The following EPHA6 variants were observed in gnomAD, a reference collection of about 807,000 sequenced individuals.
EPHA6 encodes the protein ephrin type-A receptor 6.
Under a neutral mutation model 112.0 loss-of-function variants are expected in EPHA6, and 50 were observed. The observed-to-expected ratio is 0.45, with a 90% CI of 0.36 to 0.56. EPHA6 has a LOEUF of 0.56. EPHA6 is among the 20% of genes least tolerant of loss of function. The pLI is 0.00. For missense variants in EPHA6, 1,280 were observed against 1,417.4 expected, an observed-to-expected ratio of 0.90 and a Z score of 1.56; for synonymous variants, 529 against 490.7, an observed-to-expected ratio of 1.08 and a Z score of -1.03.
chr3:97,412,923 A>G (rs1260171905), intron 6 of EPHA6, among the ~76,000 whole-genome samples: 1 of 151,976 alleles, frequency 6.6e-6, no homozygotes, highest in African/African-American at 2.4e-5. Context: ...ATCAGAGATC[A>G]CAATGTCCCT....
intron 3 of EPHA6, among the ~76,000 whole-genome samples, chr3:97,184,473 C>A (rs1283068872): frequency 6.6e-6 from 1 of 152,080 alleles, no homozygotes; most frequent in African/African-American, 2.4e-5. Flanking sequence ...AATTGCTTCA[C>A]AGAGAATGAA....
intron 3 of EPHA6, among the ~76,000 whole-genome samples, chr3:97,124,086 T>A (rs2048115809): frequency 6.6e-6 from 1 of 152,112 alleles, no homozygotes; most frequent in Non-Finnish European, 1.5e-5. Context: ...AAAAATTAAT[T>A]GCTACATTTC....
chr3:97,748,496 A>T, intron 17 of EPHA6, 91 bp from the exon 18 acceptor site: 1 of 714,840 alleles, frequency 1.4e-6, no homozygotes, highest in Non-Finnish European at 2.6e-6. Context: ...TGCTTATTAG[A>T]TCTGAATGTT....
At position 96,976,156 on chromosome 3, in the gene EPHA6, G is replaced by T. The variant is rs2042512784; in HGVS notation, c.451-11174G>T. Among the ~76,000 whole-genome samples the T allele has an allele frequency of 2.6e-5, 4 of 152,138 alleles. No homozygotes were observed. In the South Asian group the frequency reaches 8.3e-4, roughly 31 times the overall value. ...ATAAGTTATATGTTTGTTTTAAATA[G>T]GGGTAGGAACTTTAAGTGGGACAGA... On this transcript the variant is annotated intron_variant, in intron 2 of 17. Coordinates refer to ENST00000389672, the MANE Select transcript of EPHA6 (RefSeq NM_001080448.3).
At chr3:97,656,066 A>G (rs961425815) in intron 14 of EPHA6, among the ~76,000 whole-genome samples, 1 of 151,904 alleles carries the variant, frequency 6.6e-6, no homozygotes, top group African/African-American at 2.4e-5. Flanking sequence ...TACAGTGAGT[A>G]TTGTACTTTT....
chr3:97,255,532 C>T (rs2108607607), intron 5 of EPHA6, among the ~76,000 whole-genome samples: 1 of 152,178 alleles, frequency 6.6e-6, no homozygotes, highest in Non-Finnish European at 1.5e-5. Flanking sequence ...CCTTTTTAAA[C>T]ATTTATTTTT....
intron 3 of EPHA6, among the ~76,000 whole-genome samples, chr3:97,211,356 C>T (rs1158860856): frequency 2.0e-5 from 3 of 152,158 alleles, no homozygotes; most frequent in Admixed American, 2.0e-4. Flanking sequence ...CTCACAACCA[C>T]CCCTGAGTTA....
At chr3:97,625,769 G>A (rs1047453194) in intron 13 of EPHA6, among the ~76,000 whole-genome samples, 30 of 151,678 alleles carry the variant, frequency 2.0e-4, no homozygotes, top group African/African-American at 7.0e-4. Context: ...TTTGGACTAT[G>A]TATACACTGA....
chr3:97,382,398 T>C (rs1577175893), intron 5 of EPHA6, among the ~76,000 whole-genome samples: 1 of 152,062 alleles, frequency 6.6e-6, no homozygotes, highest in South Asian at 2.1e-4. Context: ...ATTTTGTTCT[T>C]TGTGTTTGCT....
In EPHA6 at chr3:97,498,528, A is replaced by G. The variant is rs192823172; in HGVS notation, c.2200+14469A>G. ...GAGAGTTAAATTTTATTTTTAAAAC[A>G]GTAAATTTGAAAGTACAATTAGTGT... is the stretch of plus-strand genomic sequence containing the variant. On this transcript the variant is annotated intron_variant, in intron 10 of 17. Transcript: ENST00000389672. Among the ~76,000 whole-genome samples, 789 of 152,186 alleles carry G rather than the reference A, an allele frequency of 5.2e-3. 7 individuals are homozygous for G. Among genetic ancestry groups the G allele is most frequent in the African/African-American group, 0.017 (721 of 41,524 alleles).
chr3:97,558,479 T>C (rs1424057963), intron 11 of EPHA6, among the ~76,000 whole-genome samples: 3 of 152,034 alleles, frequency 2.0e-5, no homozygotes, highest in East Asian at 3.8e-4. Context: ...CCTTCATGGT[T>C]ATTTCCTATC....
chr3:97,546,456 C>A (rs563844729), intron 11 of EPHA6, among the ~76,000 whole-genome samples: 1 of 152,330 alleles, frequency 6.6e-6, no homozygotes, highest in South Asian at 2.1e-4. Context: ...ATGGGCTTCC[C>A]TTTGAGGGTA....
chr3:97,528,160 C>T (rs1437140467), intron 10 of EPHA6, among the ~76,000 whole-genome samples: 2 of 152,052 alleles, frequency 1.3e-5, no homozygotes, highest in African/African-American at 4.8e-5. Flanking sequence ...TGTACTTAGA[C>T]AAAATTATTA....
chr3:97,481,231 T>G (rs914355555), intron 9 of EPHA6: 14 of 1,364,646 alleles, frequency 1.0e-5, no homozygotes, highest in Non-Finnish European at 1.3e-5. Flanking sequence ...CCATTACTAT[T>G]TGGACTTTTA....
chr3:97,527,466 C>G (rs2092637319), intron 10 of EPHA6, among the ~76,000 whole-genome samples: 2 of 151,954 alleles, frequency 1.3e-5, no homozygotes, highest in Admixed American at 6.6e-5. Context: ...ATTCTGCCAT[C>G]TTATCTCATC....
chr3:96,876,692 G>C (rs937021073), intron 2 of EPHA6, among the ~76,000 whole-genome samples: 1 of 151,964 alleles, frequency 6.6e-6, no homozygotes, highest in Non-Finnish European at 1.5e-5. Context: ...CTTTTTGGTA[G>C]TTTCTTCCAT....
chr3:97,153,895 G>C (rs990117676), intron 3 of EPHA6, among the ~76,000 whole-genome samples: 1 of 152,264 alleles, frequency 6.6e-6, no homozygotes, highest in Admixed American at 6.5e-5. Flanking sequence ...GCTGAGTGCA[G>C]TGGGTCGCTC....
chr3:97,679,903 T>G (rs952104977), intron 14 of EPHA6, among the ~76,000 whole-genome samples: 2 of 152,174 alleles, frequency 1.3e-5, no homozygotes, highest in Non-Finnish European at 2.9e-5. Context: ...CCAAAGTGAT[T>G]TGACCAGGCA....
rs541002958 is a variant in EPHA6, at chr3:97,545,315, A to T, written c.2386+12772A>T. Among the ~76,000 whole-genome samples, 6 of 152,016 alleles carry T rather than the reference A, an allele frequency of 3.9e-5. No individual in the cohort carries two copies. In the East Asian group the frequency reaches 1.2e-3, roughly 29 times the overall value. On this transcript the variant is annotated intron_variant, in intron 11 of 17. Transcript: ENST00000389672. ...ACATCTTTATTTCTGCCTTCATTTC[A>T]TTATTTACCCAGTAGGTCATTCAGG...
Sources: allele counts gnomAD v4.1 joint callset (sites outside exome capture counted in the v4.1 genomes callset), GRCh38; gene constraint gnomAD v4.1.1; transcripts MANE v1.5; gene names NCBI Gene and HGNC (gene_info 2026-07-23, HGNC 2026-07-21).